The following AKAP19 variants were observed in gnomAD, a reference collection of about 807,000 sequenced individuals.
The protein encoded by AKAP19 is A-kinase anchoring protein 19, also known as small A-kinase anchoring protein.
chr2:190,078,522 A>G, the AKAP19 span, among the ~76,000 whole-genome samples: 10 of 152,174 alleles, frequency 6.6e-5, no homozygotes, highest in African/African-American at 1.9e-4. Flanking sequence ...TAAAAACCCA[A>G]TGGAAAAATG....
At chr2:189,921,767 A>G in the AKAP19 span, among the ~76,000 whole-genome samples, 1 of 152,220 alleles carries the variant, frequency 6.6e-6, no homozygotes, top group Non-Finnish European at 1.5e-5. Flanking sequence ...GTGTAGTATG[A>G]TCAGCTGGCA....
the AKAP19 span, among the ~76,000 whole-genome samples, chr2:189,895,757 C>A: frequency 6.6e-6 from 1 of 151,956 alleles, no homozygotes; most frequent in South Asian, 2.1e-4. Flanking sequence ...GAAGGTAACA[C>A]AATCAGAACT....
At chr2:190,055,006 CT>C in the AKAP19 span, among the ~76,000 whole-genome samples, 1 of 152,176 alleles carries the variant, frequency 6.6e-6, no homozygotes, top group East Asian at 1.9e-4. Context: ...ATAAATCATG[CT>C]GCTATAAAGA....
At chr2:190,157,387 C>CACACACACAG in the AKAP19 span, among the ~76,000 whole-genome samples, 1 of 149,204 alleles carries the variant, frequency 6.7e-6, no homozygotes, top group Non-Finnish European at 1.5e-5. Flanking sequence ...CACACACACA[C>CACACACACAG]ACACACATAT....
chr2:190,196,050 G>A, the AKAP19 span, among the ~76,000 whole-genome samples: 3,132 of 131,062 alleles, frequency 0.024, 47 homozygotes, highest in Non-Finnish European at 0.03. Flanking sequence ...GATCATCTCT[G>A]CCTTTCAATT....
the AKAP19 span, among the ~76,000 whole-genome samples, chr2:189,939,898 CA>C: frequency 6.2e-4 from 94 of 152,194 alleles, no homozygotes; most frequent in South Asian, 2.9e-3. Context: ...GTGGTACCAG[CA>C]ATTTGGGAGG....
chr2:189,975,387 G>T, the AKAP19 span, among the ~76,000 whole-genome samples: 472 of 152,274 alleles, frequency 3.1e-3, 5 homozygotes, highest in East Asian at 0.018. Context: ...TGGGTAACCC[G>T]ACCTTTCTCT....
chr2:189,927,364 T>A, the AKAP19 span, among the ~76,000 whole-genome samples: 6 of 152,364 alleles, frequency 3.9e-5, no homozygotes, highest in East Asian at 1.9e-4. Context: ...GGAGTTTTTT[T>A]AAAAATGAAA....
the AKAP19 span, among the ~76,000 whole-genome samples, chr2:190,048,038 G>A: frequency 6.6e-6 from 1 of 152,094 alleles, no homozygotes; most frequent in Non-Finnish European, 1.5e-5. Context: ...ATATGGGTAG[G>A]GTTGCAACTA....
the AKAP19 span, among the ~76,000 whole-genome samples, chr2:190,134,515 A>C: frequency 2.0e-5 from 3 of 152,084 alleles, no homozygotes; most frequent in African/African-American, 7.2e-5. Flanking sequence ...TTAATACTTA[A>C]TGTCATAAGG....
chr2:189,903,144 A>G, the AKAP19 span, among the ~76,000 whole-genome samples: 1 of 151,992 alleles, frequency 6.6e-6, no homozygotes, highest in African/African-American at 2.4e-5. Flanking sequence ...CAAGATAGCT[A>G]TATACCTTAT....
the AKAP19 span, among the ~76,000 whole-genome samples, chr2:190,086,758 G>T: frequency 1.3e-5 from 2 of 152,292 alleles, no homozygotes; most frequent in South Asian, 2.1e-4. Flanking sequence ...GATATGAAAG[G>T]AGTTGCTCAG....
the AKAP19 span, among the ~76,000 whole-genome samples, chr2:190,191,696 T>A: frequency 1.3e-5 from 2 of 152,222 alleles, no homozygotes; most frequent in African/African-American, 4.8e-5. Flanking sequence ...TGGCTGTAAT[T>A]TGCATTTCCC....
the AKAP19 span, among the ~76,000 whole-genome samples, chr2:190,151,306 C>T: frequency 2.6e-5 from 4 of 152,212 alleles, no homozygotes; most frequent in East Asian, 7.7e-4. Flanking sequence ...ACCTACCAAC[C>T]CATCATTTAG....
At chr2:190,115,187 GAGAGAGAGAC>G in the AKAP19 span, among the ~76,000 whole-genome samples, 38 of 135,458 alleles carry the variant, frequency 2.8e-4, no homozygotes, top group South Asian at 4.1e-3. Flanking sequence ...GAGAGACAGA[GAGAGAGAGAC>G]AGAGAGAGAC....
chr2:190,113,274 C>T, the AKAP19 span, among the ~76,000 whole-genome samples: 1 of 152,140 alleles, frequency 6.6e-6, no homozygotes, highest in East Asian at 1.9e-4. Context: ...TCTCTTTAAT[C>T]AGTAACTGAG....
At chr2:190,202,889 T>A in the AKAP19 span, 1 of 167,108 alleles carries the variant, frequency 6.0e-6, no homozygotes, top group Admixed American at 6.5e-5. Flanking sequence ...TTATGTACTG[T>A]TGTTACCTTT....
chr2:190,107,321 G>C, the AKAP19 span, among the ~76,000 whole-genome samples: 494 of 152,186 alleles, frequency 3.2e-3, 4 homozygotes, highest in African/African-American at 0.011. Flanking sequence ...GGCTTGCTAA[G>C]ATAATAAATT....
the AKAP19 span, among the ~76,000 whole-genome samples, chr2:190,077,908 C>G: frequency 2.0e-5 from 3 of 151,882 alleles, no homozygotes; most frequent in Non-Finnish European, 4.4e-5. Context: ...TTTTTAATGC[C>G]CTGGGTATTC....
Sources: allele counts gnomAD v4.1 joint callset (sites outside exome capture counted in the v4.1 genomes callset), GRCh38; gene constraint gnomAD v4.1.1; transcripts MANE v1.5; gene names NCBI Gene and HGNC (gene_info 2026-07-23, HGNC 2026-07-21).